EXOC4: variants seen among roughly 807,000 people sequenced by gnomAD.
The protein encoded by EXOC4 is exocyst complex component 4.
EXOC4 carries 71 observed loss-of-function variants against 107.2 expected under a neutral mutation model. That is an observed-to-expected ratio of 0.66 (90% CI 0.55 to 0.81). The LOEUF (loss-of-function observed/expected upper bound fraction) is 0.81. Among genes scored for constraint, EXOC4 ranks in the 30% least tolerant of loss-of-function variants. The probability of loss-of-function intolerance (pLI) is 0.00; values close to 1 mark genes in which losing one functional copy is unlikely to be tolerated. For synonymous variants in EXOC4, 456 were observed against 441.2 expected (o/e 1.03, Z -0.42); for missense variants, 1,108 against 1,189.6 (o/e 0.93, Z 1.01).
At chr7:133,886,234 G>A (rs192929520) in intron 11 of EXOC4, among the ~76,000 whole-genome samples, 107 of 152,306 alleles carry the variant, frequency 7.0e-4, no homozygotes, top group Middle Eastern at 6.8e-3. Context: ...AAAGGTTTCT[G>A]AAGTCCTCCA....
chr7:133,565,483 T>C (rs888379217), intron 9 of EXOC4, among the ~76,000 whole-genome samples: 1 of 152,178 alleles, frequency 6.6e-6, no homozygotes, highest in African/African-American at 2.4e-5. Context: ...AGAGATCACC[T>C]TGAGGACTCG....
intron 14 of EXOC4, among the ~76,000 whole-genome samples, chr7:133,960,781 TTA>T (rs1210286100): frequency 6.6e-6 from 1 of 152,212 alleles, no homozygotes; most frequent in Non-Finnish European, 1.5e-5. Flanking sequence ...GTACGATTGA[TTA>T]TAAGATCACA....
intron 10 of EXOC4, among the ~76,000 whole-genome samples, chr7:133,721,445 T>G (rs1795103037): frequency 6.6e-6 from 1 of 152,186 alleles, no homozygotes. Context: ...AACGATACGT[T>G]TGGAAGTCAA....
intron 11 of EXOC4, among the ~76,000 whole-genome samples, chr7:133,849,915 T>C (rs1346371286): frequency 6.6e-6 from 1 of 152,242 alleles, no homozygotes; most frequent in Non-Finnish European, 1.5e-5. Flanking sequence ...AACAATATGC[T>C]ATAAACATTC....
At chr7:133,785,158 A>C (rs1190945113) in intron 10 of EXOC4, among the ~76,000 whole-genome samples, 1 of 152,140 alleles carries the variant, frequency 6.6e-6, no homozygotes, top group East Asian at 1.9e-4. Flanking sequence ...ACTTCTATTT[A>C]TCAGCCCAAG....
chr7:133,937,712 T>C (rs1047538442), intron 13 of EXOC4, among the ~76,000 whole-genome samples, 179 bp from the exon 14 acceptor site: 1 of 152,176 alleles, frequency 6.6e-6, no homozygotes, highest in African/African-American at 2.4e-5. Flanking sequence ...TTTTCCCTTA[T>C]CAGAATCATG....
chr7:134,072,600 T>C, the EXOC4 span, among the ~76,000 whole-genome samples: 1 of 152,204 alleles, frequency 6.6e-6, no homozygotes, highest in African/African-American at 2.4e-5. Context: ...CTGCTTAAAC[T>C]GTTCGCTATG....
At chr7:133,276,366 T>C (rs1793991433) in intron 2 of EXOC4, among the ~76,000 whole-genome samples, 1 of 152,200 alleles carries the variant, frequency 6.6e-6, no homozygotes, top group Admixed American at 6.5e-5. Context: ...TTTAATACCA[T>C]TTAGTACTAC....
At position 133,636,928 on chromosome 7, in the gene EXOC4, T is replaced by A. The variant is rs187545597; in HGVS notation, c.1514+6787T>A. 2.0e-5 allele frequency among the ~76,000 whole-genome samples: 3 copies of A among 152,346 alleles called. No homozygotes were observed. In the East Asian group the frequency reaches 5.8e-4, roughly 29 times the overall value. On this transcript the variant is annotated intron_variant, in intron 10 of 17. Coordinates refer to ENST00000253861, the MANE Select transcript of EXOC4 (RefSeq NM_021807.4). ...GACTAGTAACAGTCAGAACAAGTAG[T>A]TGTAGTCATATCATCTAATGTATAG... is the stretch of plus-strand genomic sequence containing the variant.
At chr7:133,415,556 T>G (rs1368895729) in intron 7 of EXOC4, among the ~76,000 whole-genome samples, 1 of 152,156 alleles carries the variant, frequency 6.6e-6, no homozygotes, top group Non-Finnish European at 1.5e-5. Flanking sequence ...TGACTGTATA[T>G]AGATTTGTAA....
intron 10 of EXOC4, among the ~76,000 whole-genome samples, chr7:133,663,386 C>A (rs992042033): frequency 9.2e-5 from 14 of 152,028 alleles, no homozygotes; most frequent in African/African-American, 3.1e-4. Context: ...CTTTTAATAC[C>A]GTCTCAAGCT....
chr7:133,374,281 G>A (rs1796439507), intron 6 of EXOC4, among the ~76,000 whole-genome samples: 3 of 151,830 alleles, frequency 2.0e-5, no homozygotes, highest in Admixed American at 2.0e-4. Flanking sequence ...TTCTCCCTGT[G>A]GTGAAAGTCA....
intron 6 of EXOC4, among the ~76,000 whole-genome samples, chr7:133,365,077 C>T (rs900154598): frequency 2.0e-5 from 3 of 152,092 alleles, no homozygotes; most frequent in African/African-American, 7.2e-5. Flanking sequence ...GATAGCTGGA[C>T]ATGTTGAGAA....
intron 10 of EXOC4, among the ~76,000 whole-genome samples, chr7:133,742,428 C>T (rs376662611): frequency 8.5e-5 from 13 of 152,114 alleles, no homozygotes; most frequent in Admixed American, 2.0e-4. Flanking sequence ...AAAGGATTTG[C>T]GACAACTTTA....
chr7:133,452,414 T>C (rs902735325), intron 7 of EXOC4, among the ~76,000 whole-genome samples: 1 of 151,678 alleles, frequency 6.6e-6, no homozygotes, highest in Non-Finnish European at 1.5e-5. Context: ...CCAGGAAGTC[T>C]CCCACATGGT....
intron 14 of EXOC4, among the ~76,000 whole-genome samples, chr7:133,942,095 A>G (rs1373473828): frequency 6.6e-6 from 1 of 152,036 alleles, no homozygotes; most frequent in Non-Finnish European, 1.5e-5. Context: ...TTAAAGATGG[A>G]TTGTTTTTAA....
intron 10 of EXOC4, among the ~76,000 whole-genome samples, chr7:133,676,941 GTGTGTGTGTGTGTGTA>G (rs1344254470): frequency 0.029 from 2,492 of 85,374 alleles, 63 homozygotes; most frequent in African/African-American, 0.081. Flanking sequence ...GTGTGTGTGT[GTGTGTGTGTGTGTGTA>G]TGTGTGTGTG....
At chr7:133,926,230 C>G (rs1800049876) in intron 13 of EXOC4, among the ~76,000 whole-genome samples, 1 of 152,130 alleles carries the variant, frequency 6.6e-6, no homozygotes, top group African/African-American at 2.4e-5. Flanking sequence ...CAAGTTCACA[C>G]AGCCACTAAG....
At position 133,305,742 on chromosome 7, in the gene EXOC4, A is replaced by G. The variant is rs548332860; in HGVS notation, c.472-135A>G. On this transcript the variant is annotated intron_variant, in intron 3 of 17. Transcript: ENST00000253861. ...CTCTCCCCTAGCCACATTATACTCT[A>G]CGAAGTCTTTTATATGCTGATAAAG... The G allele has an allele frequency of 2.8e-5, 19 of 674,252 alleles. No individual in the cohort carries two copies. The Middle Eastern group carries it at 1.3e-3, about 46-fold the overall frequency. The allele number at this position is 674,252 out of a possible 1,614,324, so 41.8% of individuals were successfully genotyped here. A position where few individuals can be genotyped will look rare whatever the true frequency, so the allele number is the denominator to read the frequency against.
Sources: allele counts gnomAD v4.1 joint callset (sites outside exome capture counted in the v4.1 genomes callset), GRCh38; gene constraint gnomAD v4.1.1; transcripts MANE v1.5; gene names NCBI Gene and HGNC (gene_info 2026-07-23, HGNC 2026-07-21).